Variants in PNLDC1 observed in about 807,000 individuals in gnomAD.
PNLDC1 encodes the protein PARN like ribonuclease domain containing exonuclease 1.
In PNLDC1, 70 loss-of-function variants were observed where a neutral mutation model predicts 82.0. The ratio of observed to expected loss-of-function variants is 0.85; its 90% CI spans 0.70 to 1.04. The LOEUF (loss-of-function observed/expected upper bound fraction) is 1.04, where lower values mean the gene tolerates loss of function less well. Ranked by LOEUF, PNLDC1 falls within the 50% of genes least tolerant of loss-of-function variation. The pLI is 0.00. For missense variants in PNLDC1, 631 were observed against 661.1 expected, an observed-to-expected ratio of 0.95 and a Z score of 0.50; for synonymous variants, 280 against 249.3, an observed-to-expected ratio of 1.12 and a Z score of -1.16.
chr6:159,804,033 C>T lies in PNLDC1; in HGVS notation c.317C>T (p.Ser106Phe). 6.2e-7 allele frequency: 1 copy of T among 1,614,104 alleles called. No homozygotes were observed. Among genetic ancestry groups the T allele is most frequent in the Non-Finnish European group, 8.5e-7 (1 of 1,179,928 alleles). ...TTFGILDSEFSFQASSVQFLN... is the reference protein window; with the variant it reads ...TTFGILDSEFFFQASSVQFLN... ...TTTGGGATTTTGGACTCAGAATTCT[C>T]CTTCCAGGCTTCCAGTGTTCAGTTT... The change falls in exon 5 of 19, where the codon TCC (serine) becomes TTC (phenylalanine). Residue 106 changes from serine to phenylalanine, a missense_variant. Physicochemically the swap from Ser to Phe is radical, Grantham distance 155. Transcript: ENST00000392167.
intron 12 of PNLDC1, among the ~76,000 whole-genome samples, chr6:159,813,927 G>A (rs981112814): frequency 1.3e-5 from 2 of 151,738 alleles, no homozygotes; most frequent in East Asian, 1.9e-4. Flanking sequence ...TCATTGTCTC[G>A]CCCCTGTCAC....
At chr6:159,809,900 T>G in intron 9 of PNLDC1, 126 bp from the exon 10 acceptor site, 1 of 759,004 alleles carries the variant, frequency 1.3e-6, no homozygotes, top group Non-Finnish European at 2.3e-6. Flanking sequence ...AAGGTTAGGA[T>G]GGAACTGTCA....
At chr6:159,801,661 T>G (rs11754693) in intron 3 of PNLDC1, among the ~76,000 whole-genome samples, 72,311 of 151,164 alleles carry the variant, frequency 0.48, 18,086 homozygotes, top group Non-Finnish European at 0.55. Flanking sequence ...GGCCAGGCTG[T>G]TCTTGACTTC....
At chr6:159,820,363 A>G in intron 18 of PNLDC1, 91 bp from the exon 19 acceptor site, 1 of 1,218,540 alleles carries the variant, frequency 8.2e-7, no homozygotes, top group Non-Finnish European at 1.2e-6. Context: ...ATCTGAGTGC[A>G]CGGGGCTGGG....
chr6:159,815,187 TC>T (rs1781773015), intron 12 of PNLDC1, among the ~76,000 whole-genome samples: 1 of 152,224 alleles, frequency 6.6e-6, no homozygotes, highest in African/African-American at 2.4e-5. Context: ...ACCTCTCCTT[TC>T]TCTGCATTCT....
At position 159,816,012 on chromosome 6, in the gene PNLDC1, G is replaced by A. The variant is rs137878641; in HGVS notation, c.1039G>A (p.Ala347Thr). 298 of 1,612,878 alleles carry A rather than the reference G, an allele frequency of 1.8e-4. No individual in the cohort carries two copies. Among genetic ancestry groups the A allele is most frequent in the Non-Finnish European group, 2.3e-4 (274 of 1,179,626 alleles). Residue 347 changes from alanine (A) to threonine (T), a missense_variant, in exon 13 of 19, where the codon GCG becomes ACG. Ala to Thr is a moderately conservative substitution (Grantham distance 58, BLOSUM62 0). Coordinates refer to ENST00000392167, the MANE Select transcript of PNLDC1 (RefSeq NM_001271862.2). Reference protein sequence around the residue: ...TKNSGPEIVHASRCEKYVETK... With the variant: ...TKNSGPEIVHTSRCEKYVETK... ...GAATTCTGGACCAGAGATTGTTCAC[G>A]CGAGCAGGTGTGAGAAATATGGTAC...
At chr6:159,813,809 C>T (rs997496155) in intron 12 of PNLDC1, among the ~76,000 whole-genome samples, 153 bp downstream of exon 12, 48 of 152,282 alleles carry the variant, frequency 3.2e-4, no homozygotes, top group African/African-American at 1.1e-3. Context: ...TCATGGCCCC[C>T]TTCCTCCGAT....
intron 11 of PNLDC1, among the ~76,000 whole-genome samples, chr6:159,812,147 G>A (rs560841311): frequency 2.6e-5 from 4 of 152,156 alleles, no homozygotes; most frequent in African/African-American, 7.2e-5. Flanking sequence ...TGATCCACCC[G>A]CCTCGGCCTC....
intron 3 of PNLDC1, among the ~76,000 whole-genome samples, chr6:159,801,679 C>T (rs1040503339): frequency 2.0e-5 from 3 of 151,372 alleles, no homozygotes; most frequent in African/African-American, 7.3e-5. Context: ...TTCCTGGGCT[C>T]GAGCAATCTT....
At chr6:159,800,421 C>T in intron 1 of PNLDC1, 38 bp downstream of exon 1, 11 of 1,533,594 alleles carry the variant, frequency 7.2e-6, no homozygotes, top group Non-Finnish European at 9.7e-6. Context: ...CCGGACAGAG[C>T]CCCTTGCCCC....
chr6:159,804,473 T>C, intron 5 of PNLDC1, 76 bp from the exon 6 acceptor site: 2 of 992,402 alleles, frequency 2.0e-6, no homozygotes, highest in East Asian at 2.5e-5. Context: ...TTTCTACCTG[T>C]CCTCGTGAAA....
rs1314864231 is a variant in PNLDC1, at chr6:159,819,489, G to C, written c.1532+137G>C. On this transcript the variant is annotated intron_variant, in intron 18 of 18. Coordinates refer to ENST00000392167, the MANE Select transcript of PNLDC1 (RefSeq NM_001271862.2). This position sits in a 1 kb window ranked among gnomAD's most constrained non-coding sequence, Gnocchi z 4.6. ...CAAGGGGGTTGTGTTGACGAGTGTG[G>C]TGCCCTGAATGTCCTTCAGTGATGC... 1 of 741,780 alleles carries C rather than the reference G, an allele frequency of 1.3e-6. No homozygotes were observed. Among genetic ancestry groups the C allele is most frequent in the Non-Finnish European group, 2.2e-6 (1 of 455,364 alleles). The allele number at this position is 741,780 out of a possible 1,614,324, so 45.9% of individuals were successfully genotyped here.
At chr6:159,806,987 G>A (rs191338066) in intron 7 of PNLDC1, among the ~76,000 whole-genome samples, 95 of 151,504 alleles carry the variant, frequency 6.3e-4, no homozygotes, top group African/African-American at 2.2e-3. Context: ...CCGCCTCCCG[G>A]GTTCAAGTGA....
At chr6:159,813,299 T>G (rs1781703021) in intron 11 of PNLDC1, among the ~76,000 whole-genome samples, 1 of 152,196 alleles carries the variant, frequency 6.6e-6, no homozygotes, top group African/African-American at 2.4e-5. Flanking sequence ...CTGGCCTTTG[T>G]CCTCGTGCCT....
In PNLDC1 at chr6:159,818,602, T is replaced by C. The variant is rs902484924; in HGVS notation, c.1205T>C (p.Leu402Pro). The C allele has an allele frequency of 6.8e-6, 11 of 1,613,942 alleles. No homozygotes were observed. The highest frequency in any genetic ancestry group is 9.3e-6 in the Non-Finnish European group (11 of 1,180,034). Residue 402 changes from leucine to proline, a missense_variant, in exon 16 of 19, where the codon CTG (leucine) becomes CCG (proline). Leu to Pro is a moderately conservative substitution (Grantham distance 98). Transcript: ENST00000392167. ...TCCTTTCCTCAGTACCTTGACGTGC[T>C]GGCTCCTTACGTGAACCAAGTGAAC... Reference protein sequence around the residue: ...ESSFPQYLDVLAPYVNQVNLI... With the variant: ...ESSFPQYLDVPAPYVNQVNLI...
chr6:159,801,271 T>C, intron 3 of PNLDC1, 85 bp downstream of exon 3: 1 of 1,267,014 alleles, frequency 7.9e-7, no homozygotes, highest in East Asian at 2.3e-5. Context: ...AGCTCTGAGA[T>C]TTTTCAAGGA....
In PNLDC1 at chr6:159,817,093, CT is replaced by C; in HGVS notation, c.1115-10del. 1 of 1,608,602 alleles carries C rather than the reference CT, an allele frequency of 6.2e-7. No individual in the cohort carries two copies. ...TTGATAAGCTCTATTGCATTTCTGTCTTTTTTCCTTCCTAGTTCTTTTGAAA... is the reference window on the plus strand; with the variant it reads ...TTGATAAGCTCTATTGCATTTCTGTCTTTTTCCTTCCTAGTTCTTTTGAAA... On this transcript the variant is annotated splice_polypyrimidine_tract_variant and intron_variant, in intron 14 of 18. Transcript: ENST00000392167.
rs772686417 is a variant in PNLDC1 at position 159,818,572 on chromosome 6, A to G, written c.1175A>G (p.Glu392Gly). ...QKIYHIDPVP[E>G]SSFPQYLDVL... The stretch of plus-strand genomic sequence containing the variant: ...CCTTGCAGCATCGACCCCGTGCCCG[A>G]GTCATCCTTTCCTCAGTACCTTGAC... Residue 392 changes from glutamate (E) to glycine (G), a missense_variant, in exon 16 of 19, where the codon GAG becomes GGG. Transcript: ENST00000392167. 1 of 1,613,608 alleles carries G rather than the reference A, an allele frequency of 6.2e-7. No homozygotes were observed. Among genetic ancestry groups the G allele is most frequent in the African/African-American group, 1.3e-5 (1 of 74,896 alleles).
rs1190853704 is a variant in PNLDC1 at position 159,817,149 on chromosome 6, C to T, written c.1155C>T (p.Tyr385=). Residue 385 remains tyrosine, a splice_region_variant and synonymous_variant, in exon 15 of 19, where the codon TAC becomes TAT. Transcript: ENST00000392167. ...CACACTTGCTTCTACAGAAGATATA[C>T]CAGTAAGTGTTCTTTCTTTTCATCC... is the stretch of plus-strand genomic sequence containing the variant. ...KVAHLLLQKI[Y]HIDPVPESSF... The T allele has an allele frequency of 6.2e-7, 1 of 1,611,344 alleles. No homozygotes were observed. The highest frequency in any genetic ancestry group is 8.5e-7 in the Non-Finnish European group (1 of 1,177,704).
Sources: allele counts gnomAD v4.1 joint callset (sites outside exome capture counted in the v4.1 genomes callset), GRCh38; gene constraint gnomAD v4.1.1; non-coding constraint Gnocchi (gnomAD v3.1); transcripts MANE v1.5; gene names NCBI Gene and HGNC (gene_info 2026-07-23, HGNC 2026-07-21).